The following MYLK variants were observed in gnomAD, a reference collection of about 807,000 sequenced individuals.
The protein encoded by MYLK is myosin light chain kinase, smooth muscle.
A neutral mutation model predicts 203.4 loss-of-function variants in MYLK; 106 were observed. That is an observed-to-expected ratio of 0.52 (90% CI 0.45 to 0.61). The LOEUF is 0.61. Ranked by LOEUF, MYLK falls within the 20% of genes least tolerant of loss-of-function variation. The pLI is 0.00. For synonymous variants in MYLK, 867 were observed against 959.5 expected (o/e 0.90, Z 1.78); for missense variants, 2,072 against 2,442.3 (o/e 0.85, Z 3.20).
In MYLK at chr3:123,664,090, A is replaced by T. The variant is rs1200533559; in HGVS notation, c.3985+15T>A. ...CCTTGCCCCAAGCTCCATGCCACCC[A>T]GCCACCAGACTCACCCACGACAGTG... On this transcript the variant is annotated intron_variant, in intron 23 of 33. Transcript: ENST00000360304. The T allele has an allele frequency of 6.2e-7, 1 of 1,613,812 alleles. No individual in the cohort carries two copies.
chr3:123,703,659 A>G lies in MYLK; in HGVS notation c.2391-2150T>C, dbSNP rs533970494. 4.0e-5 allele frequency among the ~76,000 whole-genome samples: 6 copies of G among 150,752 alleles called. No homozygotes were observed. The South Asian group carries it at 1.3e-3, about 32-fold the overall frequency. On this transcript the variant is annotated intron_variant, in intron 16 of 33. Transcript: ENST00000360304. ...TCTCAACACTTAAAAAGGCTTATGGACTTTGGGTGAGCTTGTAGAATAACT... is the reference window on the plus strand; with the variant it reads ...TCTCAACACTTAAAAAGGCTTATGGGCTTTGGGTGAGCTTGTAGAATAACT...
chr3:123,660,765 A>G (rs1265306398), intron 23 of MYLK, among the ~76,000 whole-genome samples: 1 of 152,236 alleles, frequency 6.6e-6, no homozygotes, highest in South Asian at 2.1e-4. Flanking sequence ...CTGTAAATGC[A>G]TGAAAACTGT....
At chr3:123,638,263 C>A (rs536762284) in intron 28 of MYLK, 69 bp from the exon 29 acceptor site, 2 of 1,607,238 alleles carry the variant, frequency 1.2e-6, no homozygotes, top group Non-Finnish European at 1.7e-6. Context: ...AGCAGCTGCC[C>A]GAATCTGTGT....
chr3:123,647,168 G>A (rs997039890), intron 27 of MYLK, 56 bp downstream of exon 27: 12 of 1,538,434 alleles, frequency 7.8e-6, no homozygotes, highest in African/African-American at 2.7e-5. Flanking sequence ...GGCAGTAGGG[G>A]AGACACGTTT....
At chr3:123,667,247 G>T (rs552572974) in intron 20 of MYLK, 60 bp from the exon 21 acceptor site, 4 of 1,535,272 alleles carry the variant, frequency 2.6e-6, no homozygotes, top group Non-Finnish European at 2.7e-6. Flanking sequence ...CAAAGCTCCT[G>T]ATCCTAGGAA....
At chr3:123,746,751 T>C (rs2168438) in intron 5 of MYLK, among the ~76,000 whole-genome samples, 130,566 of 152,184 alleles carry the variant, frequency 0.86, 59,437 homozygotes, top group East Asian at 1. Context: ...TATTGTTAAC[T>C]TTAATGAGAC....
intron 12 of MYLK, among the ~76,000 whole-genome samples, chr3:123,725,013 G>T (rs565511059): frequency 1.3e-5 from 2 of 152,274 alleles, no homozygotes; most frequent in East Asian, 1.9e-4. Context: ...CCAAAGTGCG[G>T]ATTACAGGCA....
Position 123,667,161 on chromosome 3 carries a change from C to A in MYLK, c.3679G>T (p.Ala1227Ser), listed in dbSNP as rs1454059079. Reference protein sequence around the residue: ...ESDATVKKKPAPKTPPKAAMP... With the variant: ...ESDATVKKKPSPKTPPKAAMP... Reference sequence around the variant, plus strand: ...CCTGCCTTCGGAGGTGTCTTGGGGGCAGGTTTCTTTTTCACAGTCGCATCA... The same window carrying A: ...CCTGCCTTCGGAGGTGTCTTGGGGGAAGGTTTCTTTTTCACAGTCGCATCA... Residue 1227 changes from alanine to serine, a missense_variant, in exon 21 of 34, where the codon GCC (alanine) becomes TCC (serine). Ala to Ser is a moderately conservative substitution (Grantham distance 99). This residue lies in a region of MYLK where 865 missense variants were observed against 1,016.0 expected (regional missense o/e 0.85). Coordinates refer to ENST00000360304, the MANE Select transcript of MYLK (RefSeq NM_053025.4). 1.9e-6 allele frequency: 3 copies of A among 1,613,976 alleles called. No individual in the cohort carries two copies. Among genetic ancestry groups the A allele is most frequent in the Non-Finnish European group, 2.5e-6 (3 of 1,180,014 alleles).
intron 3 of MYLK, among the ~76,000 whole-genome samples, chr3:123,820,576 C>A (rs989865071): frequency 6.6e-6 from 1 of 151,770 alleles, no homozygotes; most frequent in Non-Finnish European, 1.5e-5. Context: ...CTTGCAGATA[C>A]CCATGGACTA....
intron 20 of MYLK, chr3:123,681,896 T>G: frequency 2.7e-6 from 1 of 375,040 alleles, no homozygotes; most frequent in Non-Finnish European, 5.1e-6. Context: ...TGGGGAGAAA[T>G]TAGGAGGAGC....
At chr3:123,737,934 C>A (rs1417474922) in intron 7 of MYLK, among the ~76,000 whole-genome samples, 1 of 152,042 alleles carries the variant, frequency 6.6e-6, no homozygotes, top group Non-Finnish European at 1.5e-5. Context: ...CCAGGCATTC[C>A]AACTCTGAAA....
chr3:123,857,833 T>A (rs376477937), intron 2 of MYLK, among the ~76,000 whole-genome samples: 4 of 149,204 alleles, frequency 2.7e-5, no homozygotes, highest in Non-Finnish European at 5.9e-5. Flanking sequence ...AAAAAAAAAA[T>A]TGTGTGTCAT....
At chr3:123,833,010 C>G (rs1423058161) in intron 2 of MYLK, among the ~76,000 whole-genome samples, 1 of 151,994 alleles carries the variant, frequency 6.6e-6, no homozygotes, top group African/African-American at 2.4e-5. Flanking sequence ...CTTTGAGGGA[C>G]ACTTTGAAAA....
intron 3 of MYLK, among the ~76,000 whole-genome samples, chr3:123,812,989 T>C (rs2065613269): frequency 6.6e-6 from 1 of 152,182 alleles, no homozygotes; most frequent in South Asian, 2.1e-4. Context: ...AGATCACTGA[T>C]GGTCAACTTG....
Position 123,710,644 on chromosome 3 carries a change from C to A in MYLK, c.1805-751G>T, listed in dbSNP as rs555768154. Among the ~76,000 whole-genome samples the A allele has an allele frequency of 7.9e-5, 12 of 152,318 alleles. No individual in the cohort carries two copies. The East Asian group carries it at 2.3e-3, about 29-fold the overall frequency. On this transcript the variant is annotated intron_variant, in intron 13 of 33. Transcript: ENST00000360304. The stretch of plus-strand genomic sequence containing the variant: ...CTCATACATGGCAGGTGGTACAGAA[C>A]CTTCTGAAAACATTTTGGCAGTTTC...
chr3:123,740,017 T>A lies in MYLK; in HGVS notation c.374-16A>T, dbSNP rs772656732. ...GCAAAACTTCCTGCAAGAAAAAGAG[T>A]TGATGAGTCAGGTCTGAGCCACCAA... On this transcript the variant is annotated splice_polypyrimidine_tract_variant and intron_variant, in intron 5 of 33. Transcript: ENST00000360304. 6.2e-7 allele frequency: 1 copy of A among 1,613,478 alleles called. No homozygotes were observed. The highest frequency in any genetic ancestry group is 8.5e-7 in the Non-Finnish European group (1 of 1,179,624).
chr3:123,679,707 T>C lies in MYLK; in HGVS notation c.3652+2517A>G, dbSNP rs551071432. On this transcript the variant is annotated intron_variant, in intron 20 of 33. Coordinates refer to ENST00000360304, the MANE Select transcript of MYLK (RefSeq NM_053025.4). ...ACTGGAGTTAATCCAGTCATGAATG[T>C]GTGTTTTCTGTAAAGATGAAGCACT... Among the ~76,000 whole-genome samples the C allele has an allele frequency of 1.6e-4, 25 of 152,268 alleles. No homozygotes were observed. The East Asian group carries it at 4.2e-3, about 26-fold the overall frequency.
At chr3:123,736,312 C>T (rs936158437) in intron 8 of MYLK, among the ~76,000 whole-genome samples, 1 of 151,610 alleles carries the variant, frequency 6.6e-6, no homozygotes, top group African/African-American at 2.4e-5. Flanking sequence ...AATACCCAGG[C>T]CAAAAAAAGT....
At chr3:123,856,843 A>G (rs1167319561) in intron 2 of MYLK, among the ~76,000 whole-genome samples, 3 of 152,190 alleles carry the variant, frequency 2.0e-5, no homozygotes, top group African/African-American at 7.2e-5. Context: ...AGAAACTACC[A>G]TCAGAGTGAA....
Sources: gnomAD v4.1 joint callset for allele counts (sites outside exome capture counted in the v4.1 genomes callset) on GRCh38, gnomAD v4.1.1 for gene constraint, gnomAD v4.1.1 regional missense constraint, MANE v1.5 for transcripts, NCBI Gene and HGNC (gene_info 2026-07-23, HGNC 2026-07-21) for gene names.